MYO1D: variants seen among roughly 807,000 people sequenced by gnomAD.
MYO1D encodes the protein myosin ID, also known as unconventional myosin-Id.
MYO1D carries 83 observed loss-of-function variants against 122.0 expected under a neutral mutation model. That is an observed-to-expected ratio of 0.68 (90% CI 0.57 to 0.82). The LOEUF (loss-of-function observed/expected upper bound fraction) is 0.82, where lower values mean the gene tolerates loss of function less well. Ranked by LOEUF, MYO1D falls within the 40% of genes least tolerant of loss-of-function variation. MYO1D has a pLI of 0.00. For missense variants in MYO1D, 1,157 were observed against 1,269.5 expected (o/e 0.91, Z 1.35); for synonymous variants, 464 against 446.9 (o/e 1.04, Z -0.48).
intron 19 of MYO1D, among the ~76,000 whole-genome samples, chr17:32,649,729 G>A (rs2640834): frequency 0.57 from 86,493 of 151,706 alleles, 25,598 homozygotes; most frequent in Middle Eastern, 0.66. Context: ...GTGCCACCAC[G>A]TCTGGCTAAT....
At chr17:32,816,820 C>A (rs1255674342) in intron 1 of MYO1D, among the ~76,000 whole-genome samples, 1 of 152,110 alleles carries the variant, frequency 6.6e-6, no homozygotes, top group Admixed American at 6.5e-5. Context: ...AACCTTAATC[C>A]ATTTTCATCA....
At chr17:32,811,953 C>G (rs911410753) in intron 1 of MYO1D, among the ~76,000 whole-genome samples, 1 of 152,140 alleles carries the variant, frequency 6.6e-6, no homozygotes, top group African/African-American at 2.4e-5. Flanking sequence ...TCCTTGAAAA[C>G]ATAACTGAGC....
chr17:32,872,729 A>G (rs112420348), intron 1 of MYO1D, among the ~76,000 whole-genome samples: 5,355 of 141,338 alleles, frequency 0.038, 332 homozygotes, highest in African/African-American at 0.13. Context: ...TCGCTCTGTC[A>G]CCCAGGCCGG....
intron 15 of MYO1D, among the ~76,000 whole-genome samples, chr17:32,716,614 G>T (rs1284880189): frequency 1.3e-5 from 2 of 152,156 alleles, no homozygotes; most frequent in Non-Finnish European, 2.9e-5. Context: ...AATGTCACAT[G>T]AAAAAAAGTG....
chr17:32,813,070 A>T (rs991513538), intron 1 of MYO1D, among the ~76,000 whole-genome samples: 1 of 152,184 alleles, frequency 6.6e-6, no homozygotes, highest in African/African-American at 2.4e-5. Flanking sequence ...TTCTCCTATA[A>T]ACGGTCTTCA....
chr17:32,632,582 T>TAC (rs1223877613), intron 20 of MYO1D: 27 of 96,726 alleles, frequency 2.8e-4, no homozygotes, highest in African/African-American at 1.0e-3. Flanking sequence ...TATATATATA[T>TAC]ATATACACAC....
At chr17:32,501,044 G>A (rs1480185198) in intron 21 of MYO1D, among the ~76,000 whole-genome samples, 2 of 151,908 alleles carry the variant, frequency 1.3e-5, no homozygotes, top group Non-Finnish European at 2.9e-5. Context: ...ATTGAGGTTG[G>A]CGGCTCCTCA....
intron 21 of MYO1D, among the ~76,000 whole-genome samples, chr17:32,577,453 A>C (rs908198517): frequency 2.6e-5 from 4 of 152,096 alleles, no homozygotes; most frequent in Admixed American, 2.0e-4. Flanking sequence ...TTTAGAACAG[A>C]GATAATATAT....
chr17:32,851,745 ACTCATAAGGAGTG>A (rs2090991430), intron 1 of MYO1D, among the ~76,000 whole-genome samples: 1 of 66,820 alleles, frequency 1.5e-5, no homozygotes, highest in Non-Finnish European at 4.4e-5. Context: ...AGGAGTGTGC[ACTCATAAGGAGTG>A]TGCACACGCA....
At chr17:32,832,915 A>C (rs1325809683) in intron 1 of MYO1D, among the ~76,000 whole-genome samples, 2 of 152,246 alleles carry the variant, frequency 1.3e-5, no homozygotes, top group Non-Finnish European at 2.9e-5. Flanking sequence ...CCTACAAAAC[A>C]ATCTGAAATT....
chr17:32,667,461 A>C (rs1427684013), intron 16 of MYO1D, among the ~76,000 whole-genome samples: 2 of 152,220 alleles, frequency 1.3e-5, no homozygotes, highest in Admixed American at 6.5e-5. Flanking sequence ...CTGACACAAA[A>C]TTCCTTCGTT....
At chr17:32,790,834 C>T (rs1013446862) in intron 1 of MYO1D, among the ~76,000 whole-genome samples, 1 of 152,166 alleles carries the variant, frequency 6.6e-6, no homozygotes, top group African/African-American at 2.4e-5. Context: ...TAACTCTGTC[C>T]ACTTAGAGAA....
At chr17:32,787,824 C>T (rs1383946650) in intron 1 of MYO1D, among the ~76,000 whole-genome samples, 3 of 152,220 alleles carry the variant, frequency 2.0e-5, no homozygotes, top group Non-Finnish European at 4.4e-5. Context: ...TTAGCTCCCA[C>T]TTACAAATGA....
chr17:32,862,936 C>T (rs550808468), intron 1 of MYO1D: 1 of 152,312 alleles, frequency 6.6e-6, no homozygotes, highest in Non-Finnish European at 1.5e-5. Context: ...AAATCACCAT[C>T]TCCAGAAGAC....
chr17:32,754,543 T>A (rs1344288574), intron 11 of MYO1D, among the ~76,000 whole-genome samples: 10 of 152,256 alleles, frequency 6.6e-5, no homozygotes, highest in Non-Finnish European at 1.0e-4. Context: ...CTTTAGCTAG[T>A]TAATTGTGGA....
chr17:32,826,757 G>A (rs771235889), intron 1 of MYO1D, among the ~76,000 whole-genome samples: 1 of 152,116 alleles, frequency 6.6e-6, no homozygotes, highest in Non-Finnish European at 1.5e-5. Context: ...AATATCTTGA[G>A]AAAATATTTC....
At chr17:32,827,376 T>C (rs2090731780) in intron 1 of MYO1D, among the ~76,000 whole-genome samples, 1 of 152,160 alleles carries the variant, frequency 6.6e-6, no homozygotes, top group Non-Finnish European at 1.5e-5. Flanking sequence ...GCAGAAAGCA[T>C]AATGGTGGTT....
intron 19 of MYO1D, 43 bp downstream of exon 19, chr17:32,653,800 C>T (rs1372176101): frequency 1.3e-6 from 2 of 1,520,884 alleles, no homozygotes; most frequent in African/African-American, 2.7e-5. Context: ...TCATCTGAAT[C>T]AGTCTTTCCT....
chr17:32,592,033 T>C (rs951882380), intron 21 of MYO1D, among the ~76,000 whole-genome samples: 1 of 152,228 alleles, frequency 6.6e-6, no homozygotes, highest in Non-Finnish European at 1.5e-5. Flanking sequence ...TTTGATGAAC[T>C]TTTATATGGT....
Sources: gnomAD v4.1 joint callset for allele counts (sites outside exome capture counted in the v4.1 genomes callset) on GRCh38, gnomAD v4.1.1 for gene constraint, MANE v1.5 for transcripts, NCBI Gene and HGNC (gene_info 2026-07-23, HGNC 2026-07-21) for gene names.